SETD3: variants seen among roughly 807,000 people sequenced by gnomAD.
The protein encoded by SETD3 is actin-histidine N-methyltransferase.
In SETD3, 19 loss-of-function variants were observed where a neutral mutation model predicts 63.0. The ratio of observed to expected loss-of-function variants is 0.30; its 90% CI spans 0.21 to 0.44. SETD3 has a LOEUF of 0.44. Ranked by LOEUF, SETD3 falls within the 20% of genes least tolerant of loss-of-function variation. The pLI is 1.00. For missense variants in SETD3, 587 were observed against 728.5 expected (o/e 0.81, Z 2.24); for synonymous variants, 286 against 264.1 (o/e 1.08, Z -0.80).
At chr14:99,450,424 A>G (rs1344683866) in intron 6 of SETD3, among the ~76,000 whole-genome samples, 1 of 152,252 alleles carries the variant, frequency 6.6e-6, no homozygotes, top group Non-Finnish European at 1.5e-5. Flanking sequence ...CAACTGCCAC[A>G]GGATGCCAAG....
chr14:99,471,287 T>C (rs1895689983), intron 1 of SETD3, among the ~76,000 whole-genome samples: 1 of 152,380 alleles, frequency 6.6e-6, no homozygotes, highest in South Asian at 2.1e-4. Context: ...AATTTTCACA[T>C]TGCTCCCAAC....
At chr14:99,416,258 G>C (rs986626828) in intron 6 of SETD3, among the ~76,000 whole-genome samples, 4 of 151,710 alleles carry the variant, frequency 2.6e-5, no homozygotes, top group Non-Finnish European at 4.4e-5. Context: ...TTTTTTCCCT[G>C]TTGAAGACCA....
chr14:99,406,735 G>A, intron 8 of SETD3, 145 bp from the exon 9 acceptor site: 1 of 706,224 alleles, frequency 1.4e-6, no homozygotes, highest in Admixed American at 2.4e-5. Flanking sequence ...GGAAAATGGG[G>A]CAAAGAACTG....
chr14:99,437,067 A>C (rs1216128103), intron 6 of SETD3, among the ~76,000 whole-genome samples: 1 of 152,228 alleles, frequency 6.6e-6, no homozygotes, highest in Non-Finnish European at 1.5e-5. Context: ...GATTATCACC[A>C]ACTAGGTATG....
intron 9 of SETD3, 72 bp downstream of exon 9, chr14:99,406,444 A>AG (rs1891685434): frequency 1.2e-5 from 17 of 1,375,374 alleles, no homozygotes; most frequent in Middle Eastern, 1.8e-4. Flanking sequence ...TTCCTTTTTA[A>AG]GATTACCAAC....
rs890174175 is a variant in SETD3 at position 99,475,656 on chromosome 14, T to C, written c.-9+5072A>G. ...CAAAACCACTTAAGCATATTATACT[T>C]CAATGAACTGTTTTTTTTTTAAGTC... On this transcript the variant is annotated intron_variant, in intron 1 of 12. Transcript: ENST00000331768. Among the ~76,000 whole-genome samples the C allele has an allele frequency of 3.3e-5, 5 of 152,336 alleles. No individual in the cohort carries two copies. The Middle Eastern group carries it at 0.014, about 415-fold the overall frequency.
upstream of SETD3, among the ~76,000 whole-genome samples, chr14:99,485,384 T>C (rs1286531379): frequency 2.6e-5 from 4 of 152,140 alleles, no homozygotes; most frequent in African/African-American, 9.7e-5. Flanking sequence ...AATATGGAGG[T>C]ACTCTTGAGA....
intron 6 of SETD3, among the ~76,000 whole-genome samples, chr14:99,420,885 T>C (rs1315263160): frequency 8.3e-6 from 1 of 119,868 alleles, no homozygotes; most frequent in Non-Finnish European, 1.6e-5. Flanking sequence ...TGCCAGGTCA[T>C]CCAAGCATGC....
Position 99,415,975 on chromosome 14 carries a change from G to A in SETD3, c.676-2041C>T, listed in dbSNP as rs1360551996. On this transcript the variant is annotated intron_variant, in intron 6 of 12. Coordinates refer to ENST00000331768, the MANE Select transcript of SETD3 (RefSeq NM_032233.3). ...GCAACTTACTGTAAACCAAAAACTG[G>A]GCTTATCAAAAACAGCTACTACTTC... Among the ~76,000 whole-genome samples, 5 of 152,106 alleles carry A rather than the reference G, an allele frequency of 3.3e-5. No homozygotes were observed. In the East Asian group the frequency reaches 5.8e-4, roughly 18 times the overall value.
rs1249474757 is a variant in SETD3 at position 99,397,942 on chromosome 14, G to A, written c.*737C>T. 2.0e-5 allele frequency: 3 copies of A among 152,532 alleles called. No homozygotes were observed. Among genetic ancestry groups the A allele is most frequent in the Non-Finnish European group, 4.4e-5 (3 of 68,036 alleles). The allele number at this position is 152,532 out of a possible 1,614,324, so 9.4% of individuals were successfully genotyped here. A position where few individuals can be genotyped will look rare whatever the true frequency, so the allele number is the denominator to read the frequency against. On this transcript the variant is annotated 3_prime_UTR_variant, in exon 13 of 13. Coordinates refer to ENST00000331768, the MANE Select transcript of SETD3 (RefSeq NM_032233.3). Reference sequence around the variant, plus strand: ...TCAAATGCACCACTTTAAAATCAGAGCCAACATTTAAAATTAGGAGGATGA... The same window carrying A: ...TCAAATGCACCACTTTAAAATCAGAACCAACATTTAAAATTAGGAGGATGA...
intron 6 of SETD3, among the ~76,000 whole-genome samples, chr14:99,446,164 C>T (rs758039249): frequency 1.1e-4 from 17 of 152,134 alleles, no homozygotes; most frequent in Non-Finnish European, 1.3e-4. Flanking sequence ...AAAATGGGGA[C>T]GGTGCCCAGC....
intron 2 of SETD3, among the ~76,000 whole-genome samples, 158 bp from the exon 3 acceptor site, chr14:99,463,736 G>A (rs1278999595): frequency 1.3e-5 from 2 of 152,186 alleles, no homozygotes; most frequent in Non-Finnish European, 1.5e-5. Context: ...AATGTGAGAA[G>A]TACAAGGCAG....
At chr14:99,417,624 A>C (rs1430949055) in intron 6 of SETD3, among the ~76,000 whole-genome samples, 1 of 152,278 alleles carries the variant, frequency 6.6e-6, no homozygotes, top group Admixed American at 6.5e-5. Flanking sequence ...TTAAGCTCAT[A>C]CAACAAACCT....
chr14:99,480,705 C>A (rs1305313328), intron 1 of SETD3, 23 bp downstream of exon 1: 2 of 150,840 alleles, frequency 1.3e-5, no homozygotes, highest in Non-Finnish European at 3.0e-5. Flanking sequence ...CGCGCGGGCG[C>A]AGAGACCGCC....
At chr14:99,467,360 C>T (rs1052647828) in intron 1 of SETD3, among the ~76,000 whole-genome samples, 1 of 152,126 alleles carries the variant, frequency 6.6e-6, no homozygotes, top group Non-Finnish European at 1.5e-5. Context: ...GCTTAAGCAC[C>T]TTTTCCTATG....
At chr14:99,412,885 C>T (rs989587388) in intron 8 of SETD3, 66 bp downstream of exon 8, 2 of 1,124,522 alleles carry the variant, frequency 1.8e-6, no homozygotes, top group Non-Finnish European at 2.7e-6. Flanking sequence ...GAATAACAGC[C>T]CCCTCCCAAA....
intron 6 of SETD3, among the ~76,000 whole-genome samples, chr14:99,435,072 G>T (rs1005277149): frequency 6.6e-6 from 1 of 151,830 alleles, no homozygotes; most frequent in Non-Finnish European, 1.5e-5. Flanking sequence ...TAACAAAGTA[G>T]TCAAAGGCCT....
intron 6 of SETD3, among the ~76,000 whole-genome samples, chr14:99,431,871 C>T (rs1023552550): frequency 3.3e-5 from 5 of 152,160 alleles, no homozygotes; most frequent in Non-Finnish European, 7.3e-5. Context: ...TCCCACAACA[C>T]ACACTGGATG....
At chr14:99,433,114 G>A (rs1893272978) in intron 6 of SETD3, among the ~76,000 whole-genome samples, 1 of 152,156 alleles carries the variant, frequency 6.6e-6, no homozygotes, top group African/African-American at 2.4e-5. Flanking sequence ...GACAGGCAAT[G>A]GCAGGGAGGG....
Sources: allele counts gnomAD v4.1 joint callset (sites outside exome capture counted in the v4.1 genomes callset), GRCh38; gene constraint gnomAD v4.1.1; transcripts MANE v1.5; gene names NCBI Gene and HGNC (gene_info 2026-07-23, HGNC 2026-07-21).